The following XKR4 variants were observed in gnomAD, a reference collection of about 807,000 sequenced individuals.
The protein encoded by XKR4 is XK-related protein 4.
In XKR4, 12 loss-of-function variants were observed where a neutral mutation model predicts 53.9. The observed-to-expected ratio is 0.22, with a 90% CI of 0.14 to 0.36. The LOEUF (loss-of-function observed/expected upper bound fraction) is 0.36. XKR4 is among the 10% of genes least tolerant of loss of function. XKR4 has a pLI of 1.00. For synonymous variants in XKR4, 354 were observed against 362.4 expected (o/e 0.98, Z 0.26); for missense variants, 799 against 859.5 (o/e 0.93, Z 0.88).
intron 1 of XKR4, among the ~76,000 whole-genome samples, chr8:55,103,885 A>ATATATATG (rs1554559293): frequency 2.2e-5 from 3 of 137,434 alleles, no homozygotes; most frequent in African/African-American, 8.6e-5. Flanking sequence ...ATATATATAT[A>ATATATATG]TATATATATC....
Position 55,528,013 on chromosome 8 carries a change from C to A in XKR4, c.*3786C>A, listed in dbSNP as rs1021395759. 20 of 152,128 alleles carry A rather than the reference C, an allele frequency of 1.3e-4. No homozygotes were observed. Among genetic ancestry groups the A allele is most frequent in the African/African-American group, 3.9e-4 (16 of 41,428 alleles). The allele number at this position is 152,128 out of a possible 1,614,324, so 9.4% of individuals were successfully genotyped here. A position where few individuals can be genotyped will look rare whatever the true frequency, so the allele number is the denominator to read the frequency against. ...CTATATATGTATGTACACACACACA[C>A]ACACACACTTTCCAACTAAAGTAAC... On this transcript the variant is annotated 3_prime_UTR_variant, in exon 3 of 3. Coordinates refer to ENST00000327381, the MANE Select transcript of XKR4 (RefSeq NM_052898.2).
chr8:55,243,239 C>T (rs971389589), intron 1 of XKR4, among the ~76,000 whole-genome samples: 1 of 152,168 alleles, frequency 6.6e-6, no homozygotes, highest in African/African-American at 2.4e-5. Flanking sequence ...TCGTGGTGTA[C>T]ATTGTTCTGG....
intron 2 of XKR4, among the ~76,000 whole-genome samples, chr8:55,410,889 A>C (rs1028715507): frequency 6.6e-6 from 1 of 152,068 alleles, no homozygotes; most frequent in Non-Finnish European, 1.5e-5. Flanking sequence ...GGCTCCATAG[A>C]GTGCACACTG....
intron 2 of XKR4, among the ~76,000 whole-genome samples, chr8:55,379,579 C>T (rs544068256): frequency 7.9e-5 from 12 of 152,328 alleles, no homozygotes; most frequent in East Asian, 3.9e-4. Flanking sequence ...ACAACAAATG[C>T]GCTCTGGGGC....
At chr8:55,379,496 C>T (rs1804201053) in intron 2 of XKR4, among the ~76,000 whole-genome samples, 3 of 152,202 alleles carry the variant, frequency 2.0e-5, no homozygotes, top group Admixed American at 2.0e-4. Context: ...TGCAGAATGC[C>T]TACTGTGGGC....
At chr8:55,247,860 T>TTCTTTCTTTC (rs760867461) in intron 1 of XKR4, among the ~76,000 whole-genome samples, 11,195 of 103,948 alleles carry the variant, frequency 0.11, 672 homozygotes, top group East Asian at 0.27. Context: ...TCTTTCTTTT[T>TTCTTTCTTTC]TTTTTTTTTT....
chr8:55,435,287 C>G (rs1805157666), intron 2 of XKR4, among the ~76,000 whole-genome samples: 1 of 152,108 alleles, frequency 6.6e-6, no homozygotes, highest in Non-Finnish European at 1.5e-5. Context: ...CCATTGTGCC[C>G]TAGACCAAAG....
chr8:55,158,652 A>C (rs1816940909), intron 1 of XKR4, among the ~76,000 whole-genome samples: 6 of 152,180 alleles, frequency 3.9e-5, no homozygotes, highest in Admixed American at 3.9e-4. Context: ...TAAGTTTTTA[A>C]TCCACCTTGA....
At chr8:55,246,839 G>C (rs1296062109) in intron 1 of XKR4, among the ~76,000 whole-genome samples, 2 of 151,978 alleles carry the variant, frequency 1.3e-5, no homozygotes, top group Non-Finnish European at 2.9e-5. Context: ...TTTGTAACAG[G>C]AGAATAATGA....
At chr8:55,155,394 G>T (rs146959605) in intron 1 of XKR4, among the ~76,000 whole-genome samples, 1 of 151,968 alleles carries the variant, frequency 6.6e-6, no homozygotes, top group Non-Finnish European at 1.5e-5. Context: ...AAAAATGAAA[G>T]AATTATTAGA....
intron 1 of XKR4, among the ~76,000 whole-genome samples, chr8:55,141,474 A>G (rs866468192): frequency 1.1e-3 from 173 of 152,150 alleles, no homozygotes; most frequent in African/African-American, 4.0e-3. Flanking sequence ...CAGGGACTTT[A>G]GGGTCACACG....
intron 2 of XKR4, chr8:55,452,594 G>T: frequency 1.0e-6 from 1 of 977,186 alleles, no homozygotes; most frequent in Non-Finnish European, 1.6e-6. Context: ...CCGCCTCCAG[G>T]GTCTTAATGT....
chr8:55,233,946 T>C (rs1366108445), intron 1 of XKR4, among the ~76,000 whole-genome samples: 1 of 152,218 alleles, frequency 6.6e-6, no homozygotes, highest in Admixed American at 6.5e-5. Flanking sequence ...TAATAAAATT[T>C]GTCCTAAATA....
intron 1 of XKR4, among the ~76,000 whole-genome samples, chr8:55,252,952 T>A (rs942407776): frequency 6.6e-6 from 1 of 152,088 alleles, no homozygotes; most frequent in African/African-American, 2.4e-5. Flanking sequence ...TCCTGCCTTA[T>A]GCTATATTCA....
intron 1 of XKR4, among the ~76,000 whole-genome samples, chr8:55,352,153 T>A (rs1803733219): frequency 6.6e-6 from 1 of 152,214 alleles, no homozygotes; most frequent in South Asian, 2.1e-4. Context: ...GTAAAGATAA[T>A]TTGGGCTCAA....
At chr8:55,127,942 G>T (rs1445596643) in intron 1 of XKR4, among the ~76,000 whole-genome samples, 4 of 152,076 alleles carry the variant, frequency 2.6e-5, no homozygotes, top group Non-Finnish European at 5.9e-5. Flanking sequence ...AGTATTCCAT[G>T]GTGTATATGT....
chr8:55,196,925 C>T (rs1190518906), intron 1 of XKR4, among the ~76,000 whole-genome samples: 1 of 152,092 alleles, frequency 6.6e-6, no homozygotes, highest in Non-Finnish European at 1.5e-5. Flanking sequence ...AGAAAGGTAG[C>T]GTTGGCTCAA....
At chr8:55,299,321 C>T (rs1819146352) in intron 1 of XKR4, among the ~76,000 whole-genome samples, 1 of 152,122 alleles carries the variant, frequency 6.6e-6, no homozygotes, top group Admixed American at 6.5e-5. Flanking sequence ...GAGCTTGTCA[C>T]AGATGAGGAA....
chr8:55,346,494 A>G (rs889233405), intron 1 of XKR4, among the ~76,000 whole-genome samples: 3 of 152,346 alleles, frequency 2.0e-5, no homozygotes, highest in South Asian at 4.1e-4. Context: ...ATGTTCTACC[A>G]TAGAATGTAG....
Sources: allele counts gnomAD v4.1 joint callset (sites outside exome capture counted in the v4.1 genomes callset), GRCh38; gene constraint gnomAD v4.1.1; transcripts MANE v1.5; gene names NCBI Gene and HGNC (gene_info 2026-07-23, HGNC 2026-07-21).